Variants in NAP1L4 observed in about 807,000 individuals in gnomAD.
NAP1L4 encodes the protein nucleosome assembly protein 1-like 4.
NAP1L4 carries 15 observed loss-of-function variants against 58.2 expected under a neutral mutation model. That is an observed-to-expected ratio of 0.26 (90% CI 0.17 to 0.40). The LOEUF is 0.40. NAP1L4 is among the 10% of genes least tolerant of loss of function. The pLI is 1.00. For synonymous variants in NAP1L4, 171 were observed against 155.6 expected (o/e 1.10, Z -0.74); for missense variants, 384 against 451.1 (o/e 0.85, Z 1.35).
intron 8 of NAP1L4, among the ~76,000 whole-genome samples, chr11:2,962,020 A>C (rs1846952173): frequency 6.6e-6 from 1 of 152,226 alleles, no homozygotes; most frequent in African/African-American, 2.4e-5. Context: ...GGTAAGCCAT[A>C]AATATGCTAA....
chr11:2,979,715 C>G (rs376385257), intron 1 of NAP1L4, among the ~76,000 whole-genome samples: 1 of 151,556 alleles, frequency 6.6e-6, no homozygotes, highest in Non-Finnish European at 1.5e-5. Context: ...GAGGTTGCAG[C>G]GAGCGGAGAT....
chr11:2,991,302 G>A (rs1848951000), intron 1 of NAP1L4: 2 of 339,990 alleles, frequency 5.9e-6, no homozygotes, highest in African/African-American at 2.1e-5. Flanking sequence ...CTTCGCTGGG[G>A]TGAACGGAAA....
chr11:2,963,972 AG>A, intron 8 of NAP1L4: 1 of 498,096 alleles, frequency 2.0e-6, no homozygotes, highest in East Asian at 5.5e-5. Flanking sequence ...GATAAAAGTA[AG>A]GGCTGACCTA....
chr11:2,975,886 CA>C, intron 4 of NAP1L4, 137 bp downstream of exon 4: 1 of 731,494 alleles, frequency 1.4e-6, no homozygotes. Flanking sequence ...TCTCATATCC[CA>C]GTGCCTGTCT....
In NAP1L4 at chr11:2,954,528, T is replaced by C. The variant is rs747781866; in HGVS notation, c.1034A>G (p.Asn345Ser). The change falls in exon 12 of 16, where the codon AAT becomes AGT. Residue 345 changes from asparagine (N) to serine (S), a missense_variant and splice_region_variant. Physicochemically the swap from Asn to Ser is conservative, Grantham distance 46. Coordinates refer to ENST00000380542, the MANE Select transcript of NAP1L4 (RefSeq NM_005969.4). The surrounding 1 kb of genome is among the most constrained non-coding windows in gnomAD (Gnocchi z 4.8). ...GCCCCCCTTCCCCGAGCCTCATACA[T>C]TGTCATCATCTTCTATGGCCTCCCC... ...FTGEAIEDDD[N>S]FEEGEEGEEE... is the part of the protein sequence containing the mutation. 8 of 1,614,000 alleles carry C rather than the reference T, an allele frequency of 5.0e-6. No homozygotes were observed. The highest frequency in any genetic ancestry group is 1.3e-5 in the African/African-American group (1 of 74,894).
Position 2,971,297 on chromosome 11 carries a change from A to C in NAP1L4, c.402+151T>G, listed in dbSNP as rs145099064. The C allele has an allele frequency of 3.2e-6, 2 of 632,284 alleles. No homozygotes were observed. The highest frequency in any genetic ancestry group is 1.8e-5 in the African/African-American group (1 of 54,488). The allele number at this position is 632,284 out of a possible 1,614,324, so 39.2% of individuals were successfully genotyped here. ...CAGTACTGTGTCAGATGCTAGATCC[A>C]TATCAGAAAGGAATCTAAACCCAAC... On this transcript the variant is annotated intron_variant, in intron 6 of 15. Coordinates refer to ENST00000380542, the MANE Select transcript of NAP1L4 (RefSeq NM_005969.4). This position sits in a 1 kb window ranked among gnomAD's most constrained non-coding sequence, Gnocchi z 4.2.
chr11:2,982,193 G>A (rs1012800045), intron 1 of NAP1L4, among the ~76,000 whole-genome samples: 4 of 152,124 alleles, frequency 2.6e-5, no homozygotes, highest in African/African-American at 9.7e-5. Context: ...GCAATAGCAG[G>A]ACCGCTACAG....
chr11:2,954,064 G>C lies in NAP1L4; in HGVS notation c.1035+463C>G, dbSNP rs1159418778. ...GACATGCAATCTTGTTGTTTTCTTC[G>C]GGAGCACGGGTTTCTTTTTTTTCCT... On this transcript the variant is annotated intron_variant, in intron 12 of 15. Transcript: ENST00000380542. The surrounding 1 kb of genome is among the most constrained non-coding windows in gnomAD (Gnocchi z 4.8). Among the ~76,000 whole-genome samples, 1 of 152,110 alleles carries C rather than the reference G, an allele frequency of 6.6e-6. No homozygotes were observed. Among genetic ancestry groups the C allele is most frequent in the African/African-American group, 2.4e-5 (1 of 41,412 alleles).
chr11:2,963,852 C>T (rs1214915981), intron 8 of NAP1L4: 1 of 519,284 alleles, frequency 1.9e-6, no homozygotes, highest in East Asian at 5.4e-5. Context: ...CGGAATGGAA[C>T]CCATTAGCTA....
At chr11:2,958,719 C>T (rs1028002359) in intron 9 of NAP1L4, 175 bp from the exon 10 acceptor site, 3 of 618,866 alleles carry the variant, frequency 4.8e-6, no homozygotes, top group Non-Finnish European at 8.3e-6. Flanking sequence ...AAAAGAGAAA[C>T]AGCCTGGTCC....
chr11:2,982,893 C>T (rs1165608952), intron 1 of NAP1L4, among the ~76,000 whole-genome samples: 2 of 152,068 alleles, frequency 1.3e-5, no homozygotes, highest in South Asian at 2.1e-4. Flanking sequence ...TGGTGGCACT[C>T]GCCTGTAATC....
rs1288108681 is a variant in NAP1L4 at position 2,969,929 on chromosome 11, G to A, written c.408C>T (p.Asp136=). The A allele has an allele frequency of 1.2e-6, 2 of 1,610,620 alleles. No homozygotes were observed. The highest frequency in any genetic ancestry group is 1.7e-6 in the Non-Finnish European group (2 of 1,178,390). Residue 136 remains aspartate, a synonymous_variant, in exon 7 of 16, where the codon GAC becomes GAT. Transcript: ENST00000380542. The part of the protein sequence containing the change: ...ENEEEEKLAG[D]MKSKVVVTEK... ...CTGTGACGACTACTTTACTTTTCATGTCTCCCTAAAAAAAAGATGCAACAT... is the reference window on the plus strand; with the variant it reads ...CTGTGACGACTACTTTACTTTTCATATCTCCCTAAAAAAAAGATGCAACAT...
intron 3 of NAP1L4, among the ~76,000 whole-genome samples, chr11:2,977,054 T>C (rs1484844638): frequency 2.6e-5 from 4 of 152,222 alleles, no homozygotes; most frequent in Non-Finnish European, 4.4e-5. Context: ...ACATTCATAA[T>C]AGAACTGCAA....
At chr11:2,965,193 C>T (rs2133950665) in intron 7 of NAP1L4, among the ~76,000 whole-genome samples, 1 of 152,358 alleles carries the variant, frequency 6.6e-6, no homozygotes. Flanking sequence ...GCCTTGGCAG[C>T]CAGCTTCCCC....
intron 1 of NAP1L4, among the ~76,000 whole-genome samples, chr11:2,987,827 AGGGACCCTGTCT>A (rs1848735658): frequency 6.6e-6 from 1 of 151,276 alleles, no homozygotes. Context: ...CCACGAGGGC[AGGGACCCTGTCT>A]ACTTGCTCAA....
intron 8 of NAP1L4, among the ~76,000 whole-genome samples, chr11:2,962,169 A>G (rs1258408236): frequency 6.6e-6 from 1 of 152,236 alleles, no homozygotes; most frequent in Non-Finnish European, 1.5e-5. Flanking sequence ...ACTGAAAGGA[A>G]CCTAAACTAA....
Position 2,951,915 on chromosome 11 carries a change from G to C in NAP1L4, c.1036-106C>G, listed in dbSNP as rs1156781731. The stretch of plus-strand genomic sequence containing the variant: ...TCACTGACCAAGCCTAAGAGGAGCA[G>C]AAAGTCCAGCCACGCTGCCTGCTGG... On this transcript the variant is annotated intron_variant, in intron 12 of 15. Transcript: ENST00000380542. This position sits in a 1 kb window ranked among gnomAD's most constrained non-coding sequence, Gnocchi z 4.0. The C allele has an allele frequency of 1.8e-6, 2 of 1,141,984 alleles. No homozygotes were observed. The highest frequency in any genetic ancestry group is 2.6e-6 in the Non-Finnish European group (2 of 760,538). 70.7% of individuals were successfully genotyped at this position (1,141,984 alleles called of 1,614,324 possible). A position where few individuals can be genotyped will look rare whatever the true frequency, so the allele number is the denominator to read the frequency against.
chr11:2,951,271 T>C lies in NAP1L4; in HGVS notation c.1110A>G (p.Glu370=). The change falls in exon 14 of 16, where the codon GAA becomes GAG. Residue 370 remains glutamate (E), a synonymous_variant. Coordinates refer to ENST00000380542, the MANE Select transcript of NAP1L4 (RefSeq NM_005969.4). The surrounding 1 kb of genome is among the most constrained non-coding windows in gnomAD (Gnocchi z 4.0). ...DEEGEDEDDA[E]INPKV is the part of the protein sequence containing the mutation. ...CAAAGTTACCAACCTTGGGGTTAAT[T>C]TCCGCATCATCCTCGTCTTCTCCCT... 1.2e-6 allele frequency: 2 copies of C among 1,614,124 alleles called. No individual in the cohort carries two copies. The highest frequency in any genetic ancestry group is 1.7e-6 in the Non-Finnish European group (2 of 1,179,986).
rs1190639829 is a variant in NAP1L4 at position 2,948,302 on chromosome 11, G to A, written c.*32+925C>T. Among the ~76,000 whole-genome samples the A allele has an allele frequency of 3.3e-5, 5 of 152,136 alleles. No individual in the cohort carries two copies. Among genetic ancestry groups the A allele is most frequent in the South Asian group, 2.1e-4 (1 of 4,824 alleles). Reference sequence around the variant, plus strand: ...GCGGTGGCGCTAAGACCTCAAGGACGTCTGGTCTATGGGCTGCCAGGATCA... The same window carrying A: ...GCGGTGGCGCTAAGACCTCAAGGACATCTGGTCTATGGGCTGCCAGGATCA... On this transcript the variant is annotated intron_variant, in intron 15 of 15. Coordinates refer to ENST00000380542, the MANE Select transcript of NAP1L4 (RefSeq NM_005969.4). The surrounding 1 kb of genome is among the most constrained non-coding windows in gnomAD (Gnocchi z 5.1).
Sources: gnomAD v4.1 joint callset for allele counts (sites outside exome capture counted in the v4.1 genomes callset) on GRCh38, gnomAD v4.1.1 for gene constraint, Gnocchi (gnomAD v3.1) non-coding constraint, MANE v1.5 for transcripts, NCBI Gene and HGNC (gene_info 2026-07-23, HGNC 2026-07-21) for gene names.